ANO4: variants seen among roughly 807,000 people sequenced by gnomAD.
ANO4 encodes anoctamin 4, also known as anoctamin-4.
In ANO4, 69 loss-of-function variants were observed where a neutral mutation model predicts 141.9. The ratio of observed to expected loss-of-function variants is 0.49; its 90% CI spans 0.40 to 0.59. The LOEUF is 0.59. Among genes scored for constraint, ANO4 ranks in the 20% least tolerant of loss-of-function variants. The pLI, the probability that ANO4 is intolerant of heterozygous loss-of-function variation, is 0.00. For missense variants in ANO4, 894 were observed against 1,162.2 expected (o/e 0.77, Z 3.36); for synonymous variants, 350 against 394.3 (o/e 0.89, Z 1.33).
intron 8 of ANO4, among the ~76,000 whole-genome samples, chr12:100,988,872 G>GAAAAAAAAAAGAAAAAAAA (rs2044884561): frequency 1.5e-5 from 1 of 65,042 alleles, no homozygotes; most frequent in Non-Finnish European, 2.9e-5. Flanking sequence ...CTCTGTCTCA[G>GAAAAAAAAAAGAAAAAAAA]AAAAAAAAAA....
chr12:100,743,688 A>G (rs2031972966), intron 3 of ANO4, among the ~76,000 whole-genome samples: 2 of 152,202 alleles, frequency 1.3e-5, no homozygotes, highest in East Asian at 3.8e-4. Flanking sequence ...ATAGAAAAAG[A>G]GTAAAACTAT....
chr12:100,961,486 CT>C (rs1176220789), intron 5 of ANO4, among the ~76,000 whole-genome samples: 1 of 152,172 alleles, frequency 6.6e-6, no homozygotes, highest in African/African-American at 2.4e-5. Context: ...CACTAAATCA[CT>C]GCAACGAGCT....
chr12:101,067,044 TGTGA>T (rs1046644193), intron 14 of ANO4: 20 of 486,156 alleles, frequency 4.1e-5, no homozygotes, highest in South Asian at 3.4e-4. Flanking sequence ...CTGGGCTTAT[TGTGA>T]GTGTTTTAGA....
intron 3 of ANO4, among the ~76,000 whole-genome samples, chr12:100,930,868 A>AG (rs2042063325): frequency 1.3e-5 from 2 of 152,118 alleles, no homozygotes; most frequent in South Asian, 4.1e-4. Flanking sequence ...TGGTATAGGT[A>AG]GGGGTAGAAG....
At chr12:100,795,711 G>A (rs2034266256) in intron 1 of ANO4, among the ~76,000 whole-genome samples, 1 of 152,218 alleles carries the variant, frequency 6.6e-6, no homozygotes, top group Non-Finnish European at 1.5e-5. Flanking sequence ...TGGTAGGGCA[G>A]TGATGACAGG....
At chr12:100,874,808 C>T (rs993325979) in intron 1 of ANO4, among the ~76,000 whole-genome samples, 8 of 152,144 alleles carry the variant, frequency 5.3e-5, no homozygotes, top group African/African-American at 4.8e-5. Flanking sequence ...GCGTGAGCCA[C>T]CACACCCAGC....
In ANO4 at chr12:100,782,974, G is replaced by A. The variant is rs78502415; in HGVS notation, c.358+42869G>A. On this transcript the variant is annotated intron_variant, in intron 3 of 29. Coordinates refer to the ANO4 transcript ENST00000644049. ...TAATCCAAAACTCAACATAATTCAAGCAATACTCAGCCTGTGATTACTTTC... is the reference window on the plus strand; with the variant it reads ...TAATCCAAAACTCAACATAATTCAAACAATACTCAGCCTGTGATTACTTTC... Among the ~76,000 whole-genome samples the A allele has an allele frequency of 7.5e-3, 1,137 of 152,216 alleles. 26 individuals are homozygous for A. Among genetic ancestry groups the A allele is most frequent in the East Asian group, 0.036 (186 of 5,184 alleles).
At chr12:100,953,172 T>C (rs1191182108) in intron 5 of ANO4, among the ~76,000 whole-genome samples, 1 of 152,226 alleles carries the variant, frequency 6.6e-6, no homozygotes, top group East Asian at 1.9e-4. Flanking sequence ...ATGAAAGGAA[T>C]TGAAGTCCTT....
intron 1 of ANO4, among the ~76,000 whole-genome samples, chr12:100,722,668 T>A (rs1410631460): frequency 6.6e-6 from 1 of 152,198 alleles, no homozygotes; most frequent in Non-Finnish European, 1.5e-5. Context: ...AAAACTCAGA[T>A]GACAAGGACC....
chr12:101,037,801 G>A (rs760680728), intron 10 of ANO4, among the ~76,000 whole-genome samples: 1 of 152,060 alleles, frequency 6.6e-6, no homozygotes, highest in Non-Finnish European at 1.5e-5. Flanking sequence ...CATTTTCATG[G>A]TGTGGCACCC....
chr12:100,876,294 A>C (rs2039303475), intron 1 of ANO4, among the ~76,000 whole-genome samples: 1 of 151,330 alleles, frequency 6.6e-6, no homozygotes, highest in Admixed American at 6.6e-5. Flanking sequence ...AAAAAAAAAA[A>C]AACAGTGGGA....
At position 101,121,753 on chromosome 12, in the gene ANO4, CT is replaced by C. The variant is rs71091478; in HGVS notation, c.2676+1155del. On this transcript the variant is annotated intron_variant, in intron 26 of 27. Coordinates refer to ENST00000392977, the MANE Select transcript of ANO4 (RefSeq NM_001286615.2). ...TCGCCAGCATCTGTTAATTTGTTTA[CT>C]TTTTTTTTTTTTTTTTTTTTTTTTT... 5.7e-3 allele frequency among the ~76,000 whole-genome samples: 624 copies of C among 110,338 alleles called. 6 individuals are homozygous for C. Among genetic ancestry groups the C allele is most frequent in the South Asian group, 0.013 (40 of 3,090 alleles). The allele number at this position is 110,338 out of a possible 152,430, so 72.4% of individuals were successfully genotyped here.
chr12:100,898,240 G>A, intron 1 of ANO4, among the ~76,000 whole-genome samples: 1 of 152,176 alleles, frequency 6.6e-6, no homozygotes, highest in Non-Finnish European at 1.5e-5. Flanking sequence ...ATTGGATGAT[G>A]TAATTTATTG....
intron 1 of ANO4, among the ~76,000 whole-genome samples, chr12:100,731,236 C>G (rs1372410275): frequency 6.6e-6 from 1 of 152,178 alleles, no homozygotes; most frequent in Non-Finnish European, 1.5e-5. Flanking sequence ...ACATAATGTT[C>G]AAATGTTGCC....
chr12:100,988,451 A>G (rs1412396610), intron 8 of ANO4, among the ~76,000 whole-genome samples: 3 of 151,868 alleles, frequency 2.0e-5, no homozygotes, highest in Admixed American at 2.0e-4. Flanking sequence ...CTCCCTTGCA[A>G]CAAGATCAGG....
chr12:100,892,550 C>A (rs1385521227), intron 1 of ANO4, among the ~76,000 whole-genome samples: 2 of 152,182 alleles, frequency 1.3e-5, no homozygotes, highest in African/African-American at 4.8e-5. Flanking sequence ...CCTTAGGTAT[C>A]CCTAGAAAGA....
At chr12:100,905,933 T>C (rs1200296965) in intron 2 of ANO4, among the ~76,000 whole-genome samples, 1 of 152,078 alleles carries the variant, frequency 6.6e-6, no homozygotes, top group African/African-American at 2.4e-5. Context: ...TCCTATGTTG[T>C]CAGCTTTATC....
intron 1 of ANO4, among the ~76,000 whole-genome samples, chr12:100,729,411 TTCTATG>T (rs1277673326): frequency 2.2e-4 from 31 of 139,812 alleles, no homozygotes; most frequent in Non-Finnish European, 2.5e-4. Context: ...ATTGAACACG[TTCTATG>T]TGGTAGGTCC....
At chr12:100,957,844 G>A (rs1460010672) in intron 5 of ANO4, among the ~76,000 whole-genome samples, 1 of 152,128 alleles carries the variant, frequency 6.6e-6, no homozygotes, top group Non-Finnish European at 1.5e-5. Context: ...TTCTGTTGTG[G>A]CAACACAAAA....
Sources: gnomAD v4.1 joint callset for allele counts (sites outside exome capture counted in the v4.1 genomes callset) on GRCh38, gnomAD v4.1.1 for gene constraint, MANE v1.5 for transcripts, NCBI Gene and HGNC (gene_info 2026-07-23, HGNC 2026-07-21) for gene names.